Variants in FAM114A1 observed in about 807,000 individuals in gnomAD.
The protein encoded by FAM114A1 is family with sequence similarity 114 member A1, also known as protein NOXP20.
A neutral mutation model predicts 64.3 loss-of-function variants in FAM114A1; 62 were observed. The observed-to-expected ratio is 0.96, with a 90% CI of 0.79 to 1.19. FAM114A1 has a LOEUF of 1.19. Among genes scored for constraint, FAM114A1 ranks in the 50% most tolerant of loss-of-function variants. FAM114A1 has a pLI of 0.00. For missense variants in FAM114A1, 645 were observed against 676.3 expected, an observed-to-expected ratio of 0.95 and a Z score of 0.51; for synonymous variants, 254 against 251.1, an observed-to-expected ratio of 1.01 and a Z score of -0.11.
chr4:38,926,925 G>T (rs1199988996), intron 9 of FAM114A1, among the ~76,000 whole-genome samples: 1 of 145,246 alleles, frequency 6.9e-6, no homozygotes, highest in Non-Finnish European at 1.6e-5. Flanking sequence ...TGCTGCAAAA[G>T]CCCCCTTAGA....
At chr4:38,937,803 T>C (rs1721236257) in intron 13 of FAM114A1, among the ~76,000 whole-genome samples, 1 of 152,124 alleles carries the variant, frequency 6.6e-6, no homozygotes, top group African/African-American at 2.4e-5. Context: ...GGCGCGATCT[T>C]GGCTCACTGC....
At chr4:38,881,059 CCT>C (rs1259877639) in intron 3 of FAM114A1, among the ~76,000 whole-genome samples, 3 of 151,954 alleles carry the variant, frequency 2.0e-5, no homozygotes, top group Non-Finnish European at 2.9e-5. Context: ...GTGGTGCATG[CCT>C]GTAGTCCCAG....
At chr4:38,891,949 G>T (rs112245019) in intron 4 of FAM114A1, 119 bp downstream of exon 4, 1 of 790,684 alleles carries the variant, frequency 1.3e-6, no homozygotes, top group Non-Finnish European at 1.9e-6. Context: ...ACCATGTTTA[G>T]TGCTTACTAT....
chr4:38,880,808 A>G (rs1419836220), intron 3 of FAM114A1, among the ~76,000 whole-genome samples: 2 of 152,244 alleles, frequency 1.3e-5, no homozygotes, highest in Non-Finnish European at 2.9e-5. Context: ...TACAAGCTCT[A>G]CTAATTCAAA....
In FAM114A1 at chr4:38,944,550, C is replaced by G. The variant is rs988618053; in HGVS notation, c.*993C>G. 2 of 152,216 alleles carry G rather than the reference C, an allele frequency of 1.3e-5. No homozygotes were observed. The highest frequency in any genetic ancestry group is 4.8e-5 in the African/African-American group (2 of 41,406). 9.4% of individuals were successfully genotyped at this position (152,216 alleles called of 1,614,324 possible). ...ACCAGTCCGTGGCACTGGTTAGGAA[C>G]CAGGCCACACAGCAGGGGGTGAGCG... On this transcript the variant is annotated 3_prime_UTR_variant, in exon 15 of 15. Coordinates refer to ENST00000358869, the MANE Select transcript of FAM114A1 (RefSeq NM_138389.4).
At chr4:38,902,220 T>C (rs567096639) in intron 4 of FAM114A1, among the ~76,000 whole-genome samples, 20 of 152,334 alleles carry the variant, frequency 1.3e-4, no homozygotes, top group Admixed American at 1.0e-3. Context: ...GAAATGAGTA[T>C]ACTAATATCC....
intron 8 of FAM114A1, among the ~76,000 whole-genome samples, chr4:38,920,787 C>A (rs1332670126): frequency 6.6e-6 from 1 of 152,228 alleles, no homozygotes; most frequent in Non-Finnish European, 1.5e-5. Flanking sequence ...GACCCCTAAA[C>A]ATGAGTGTGC....
At chr4:38,921,962 A>C (rs1216537806) in intron 8 of FAM114A1, among the ~76,000 whole-genome samples, 1 of 152,060 alleles carries the variant, frequency 6.6e-6, no homozygotes, top group South Asian at 2.1e-4. Flanking sequence ...TTATTTTTTG[A>C]GATGGAGTCT....
Position 38,943,777 on chromosome 4 carries a change from T to C in FAM114A1, c.*220T>C, listed in dbSNP as rs1376974317. The C allele has an allele frequency of 2.5e-6, 1 of 403,640 alleles. No individual in the cohort carries two copies. Among genetic ancestry groups the C allele is most frequent in the Non-Finnish European group, 4.5e-6 (1 of 219,966 alleles). The allele number at this position is 403,640 out of a possible 1,614,324, so 25.0% of individuals were successfully genotyped here. On this transcript the variant is annotated 3_prime_UTR_variant, in exon 15 of 15. Coordinates refer to ENST00000358869, the MANE Select transcript of FAM114A1 (RefSeq NM_138389.4). Reference sequence around the variant, plus strand: ...ACAAACAATTGTGTTTTCTTTATGTTAATTTAAACTTACACAGCTTATATT... The same window carrying C: ...ACAAACAATTGTGTTTTCTTTATGTCAATTTAAACTTACACAGCTTATATT...
At chr4:38,899,414 G>A (rs919942383) in intron 4 of FAM114A1, among the ~76,000 whole-genome samples, 1 of 152,038 alleles carries the variant, frequency 6.6e-6, no homozygotes, top group African/African-American at 2.4e-5. Flanking sequence ...ACTCCCTTTG[G>A]TCAAGGGCAA....
At chr4:38,902,693 G>T (rs1046693799) in intron 4 of FAM114A1, among the ~76,000 whole-genome samples, 6 of 152,166 alleles carry the variant, frequency 3.9e-5, no homozygotes, top group African/African-American at 1.4e-4. Context: ...ATGGAGTTTA[G>T]AGGGGTTTCA....
At chr4:38,924,435 C>T (rs1719917129) in intron 9 of FAM114A1, among the ~76,000 whole-genome samples, 1 of 152,200 alleles carries the variant, frequency 6.6e-6, no homozygotes, top group South Asian at 2.1e-4. Context: ...GTGTTACATT[C>T]TTTTAATCAA....
intron 8 of FAM114A1, among the ~76,000 whole-genome samples, chr4:38,916,262 T>C (rs1369924517): frequency 6.6e-6 from 1 of 152,198 alleles, no homozygotes; most frequent in Non-Finnish European, 1.5e-5. Flanking sequence ...TCAGGGAAAG[T>C]CTTGTGGTTA....
intron 3 of FAM114A1, among the ~76,000 whole-genome samples, chr4:38,883,554 C>T (rs1427851913): frequency 6.6e-6 from 1 of 152,152 alleles, no homozygotes. Flanking sequence ...TCAAGAATCC[C>T]AATGTTAACA....
intron 8 of FAM114A1, 117 bp from the exon 9 acceptor site, chr4:38,922,653 G>A (rs1283060373): frequency 7.5e-7 from 1 of 1,341,722 alleles, no homozygotes; most frequent in Non-Finnish European, 1.0e-6. Flanking sequence ...ATTCAACCCA[G>A]CGATACCTCC....
chr4:38,945,033 G>A lies in FAM114A1; in HGVS notation c.*1476G>A, dbSNP rs1560342963. ...TTTACACTATTTTATCCCAAACTATGTATATGAGGTGAAAATATATATGAA... is the reference window on the plus strand; with the variant it reads ...TTTACACTATTTTATCCCAAACTATATATATGAGGTGAAAATATATATGAA... On this transcript the variant is annotated 3_prime_UTR_variant, in exon 15 of 15. Coordinates refer to ENST00000358869, the MANE Select transcript of FAM114A1 (RefSeq NM_138389.4). The A allele has an allele frequency of 1.3e-5, 2 of 152,110 alleles. No individual in the cohort carries two copies. Among genetic ancestry groups the A allele is most frequent in the African/African-American group, 2.4e-5 (1 of 41,408 alleles). The allele number at this position is 152,110 out of a possible 1,614,324, so 9.4% of individuals were successfully genotyped here.
Position 38,901,746 on chromosome 4 carries a change from C to T in FAM114A1, c.437-3776C>T, listed in dbSNP as rs907302854. Among the ~76,000 whole-genome samples, 7 of 152,216 alleles carry T rather than the reference C, an allele frequency of 4.6e-5. No homozygotes were observed. The East Asian group carries it at 7.7e-4, about 17-fold the overall frequency. The stretch of plus-strand genomic sequence containing the variant: ...AGCTTCATAAGATCACAGTGCTTTG[C>T]GGGAAGAAAAAGATCAAAGTGGATG... On this transcript the variant is annotated intron_variant, in intron 4 of 14. Coordinates refer to ENST00000358869, the MANE Select transcript of FAM114A1 (RefSeq NM_138389.4).
chr4:38,887,054 G>T (rs950074258), intron 3 of FAM114A1, among the ~76,000 whole-genome samples: 6 of 150,232 alleles, frequency 4.0e-5, no homozygotes, highest in Non-Finnish European at 7.4e-5. Flanking sequence ...GAGGTGCTAT[G>T]GTACCTAAGA....
chr4:38,920,797 C>T (rs191578563), intron 8 of FAM114A1, among the ~76,000 whole-genome samples: 202 of 152,322 alleles, frequency 1.3e-3, no homozygotes, highest in African/African-American at 4.2e-3. Flanking sequence ...CATGAGTGTG[C>T]GAGCTGAAAT....
Sources: gnomAD v4.1 joint callset for allele counts (sites outside exome capture counted in the v4.1 genomes callset) on GRCh38, gnomAD v4.1.1 for gene constraint, MANE v1.5 for transcripts, NCBI Gene and HGNC (gene_info 2026-07-23, HGNC 2026-07-21) for gene names.